The following PTPN14 variants were observed in gnomAD, a reference collection of about 807,000 sequenced individuals.
PTPN14 encodes the protein protein tyrosine phosphatase non-receptor type 14, also known as tyrosine-protein phosphatase non-receptor type 14.
A neutral mutation model predicts 126.8 loss-of-function variants in PTPN14; 53 were observed. The observed-to-expected ratio is 0.42, with a 90% CI of 0.34 to 0.53. The LOEUF is 0.53. PTPN14 is among the 20% of genes least tolerant of loss of function. PTPN14 has a pLI of 0.08. For synonymous variants in PTPN14, 630 were observed against 599.3 expected (o/e 1.05, Z -0.75); for missense variants, 1,257 against 1,552.9 (o/e 0.81, Z 3.20).
intron 1 of PTPN14, among the ~76,000 whole-genome samples, chr1:214,521,888 TTGTTG>T (rs1480666947): frequency 2.0e-5 from 3 of 149,476 alleles, no homozygotes; most frequent in Non-Finnish European, 4.4e-5. Flanking sequence ...CATAAGATTT[TTGTTG>T]TTTTTTTTTT....
intron 11 of PTPN14, among the ~76,000 whole-genome samples, chr1:214,389,039 TC>T (rs1247074334): frequency 1.3e-5 from 2 of 152,216 alleles, no homozygotes; most frequent in East Asian, 3.8e-4. Context: ...TTCCCAAGTC[TC>T]CCTTTGGCTG....
chr1:214,540,765 A>T (rs1655816157), intron 1 of PTPN14, among the ~76,000 whole-genome samples: 1 of 152,204 alleles, frequency 6.6e-6, no homozygotes, highest in Non-Finnish European at 1.5e-5. Context: ...CCACCACCAT[A>T]AAGCAAATGG....
intron 10 of PTPN14, 113 bp downstream of exon 10, chr1:214,393,582 T>C: frequency 1.1e-6 from 1 of 877,620 alleles, no homozygotes; most frequent in Non-Finnish European, 1.8e-6. Flanking sequence ...CATTAGCTTC[T>C]ACAAGGAACA....
At chr1:214,429,534 A>G (rs1262688559) in intron 3 of PTPN14, among the ~76,000 whole-genome samples, 1 of 152,252 alleles carries the variant, frequency 6.6e-6, no homozygotes, top group Admixed American at 6.5e-5. Context: ...CTTTCAGGAG[A>G]TCAAGGACTT....
At chr1:214,414,585 A>C in intron 4 of PTPN14, 44 bp downstream of exon 4, 3 of 1,544,650 alleles carry the variant, frequency 1.9e-6, no homozygotes, top group Non-Finnish European at 2.7e-6. Context: ...ACCATGATCA[A>C]ACAGAAAATG....
chr1:214,408,949 T>TAAAAC (rs1659233227), intron 5 of PTPN14, among the ~76,000 whole-genome samples: 1 of 152,176 alleles, frequency 6.6e-6, no homozygotes, highest in South Asian at 2.1e-4. Flanking sequence ...TCTTTTTTGT[T>TAAAAC]AAAACAAAAC....
Position 214,402,971 on chromosome 1 carries a change from G to A in PTPN14, c.511-18C>T, listed in dbSNP as rs1391155145. Reference sequence around the variant, plus strand: ...GCCAAATCCTATAAGAATAGAAAGTGCTTAAGGTCACATGAGGGTGTGGGC... The same window carrying A: ...GCCAAATCCTATAAGAATAGAAAGTACTTAAGGTCACATGAGGGTGTGGGC... On this transcript the variant is annotated intron_variant, in intron 5 of 18. Coordinates refer to ENST00000366956, the MANE Select transcript of PTPN14 (RefSeq NM_005401.5). 2 of 1,612,474 alleles carry A rather than the reference G, an allele frequency of 1.2e-6. No homozygotes were observed. Among genetic ancestry groups the A allele is most frequent in the Non-Finnish European group, 1.7e-6 (2 of 1,178,604 alleles).
chr1:214,396,816 C>G (rs1212242360), intron 8 of PTPN14, among the ~76,000 whole-genome samples: 1 of 152,178 alleles, frequency 6.6e-6, no homozygotes, highest in Non-Finnish European at 1.5e-5. Flanking sequence ...ATTGATTTAA[C>G]TATGAAGAAC....
Position 214,384,576 on chromosome 1 carries a change from G to A in PTPN14, c.1279C>T (p.Pro427Ser). The change falls in exon 13 of 19, where the codon CCG becomes TCG. Residue 427 changes from proline (P) to serine (S), a missense_variant. Around this residue, in one of 3 missense-constraint regions of PTPN14, gnomAD observed 1,021 missense variants for 1,183.3 expected, o/e 0.86. Coordinates refer to ENST00000366956, the MANE Select transcript of PTPN14 (RefSeq NM_005401.5). The surrounding 1 kb of genome is among the most constrained non-coding windows in gnomAD (Gnocchi z 5.3). ...GSDIMRADYI[P>S]SHRHSAIIVP... is the part of the protein sequence containing the mutation. ...ATGATCGCGCTGTGCCGGTGGCTCG[G>A]GATGTAGTCGGCCCGCATGATGTCA... 6.2e-7 allele frequency: 1 copy of A among 1,614,140 alleles called. No homozygotes were observed. The highest frequency in any genetic ancestry group is 8.5e-7 in the Non-Finnish European group (1 of 1,180,030).
chr1:214,431,642 T>C (rs1004795514), intron 3 of PTPN14, among the ~76,000 whole-genome samples: 1 of 152,088 alleles, frequency 6.6e-6, no homozygotes, highest in Non-Finnish European at 1.5e-5. Context: ...CGGCACATAG[T>C]GGTAAATGTG....
chr1:214,364,807 T>C lies in PTPN14; in HGVS notation c.3272-132A>G, dbSNP rs1234393828. The C allele has an allele frequency of 5.8e-6, 2 of 344,496 alleles. No individual in the cohort carries two copies. Among genetic ancestry groups the C allele is most frequent in the Non-Finnish European group, 8.5e-6 (2 of 235,078 alleles). The allele number at this position is 344,496 out of a possible 1,614,324, so 21.3% of individuals were successfully genotyped here. On this transcript the variant is annotated intron_variant, in intron 17 of 18. Coordinates refer to ENST00000366956, the MANE Select transcript of PTPN14 (RefSeq NM_005401.5). The surrounding 1 kb of genome is among the most constrained non-coding windows in gnomAD (Gnocchi z 4.1). The stretch of plus-strand genomic sequence containing the variant: ...TGTGTGTGTGTGTGTGTGTGTGTGT[T>C]TTAAGTGACAATAATTTATAGTTCT...
chr1:214,457,487 T>C (rs1246212142), intron 2 of PTPN14, among the ~76,000 whole-genome samples: 1 of 152,180 alleles, frequency 6.6e-6, no homozygotes, highest in African/African-American at 2.4e-5. Context: ...TCAGGTGCCT[T>C]TGTTATATCA....
chr1:214,452,440 T>C (rs1470372475), intron 2 of PTPN14, among the ~76,000 whole-genome samples: 3 of 152,234 alleles, frequency 2.0e-5, no homozygotes, highest in Non-Finnish European at 4.4e-5. Flanking sequence ...TTCTGCACTG[T>C]AGAATATTTT....
At chr1:214,540,846 G>A (rs1655817615) in intron 1 of PTPN14, among the ~76,000 whole-genome samples, 2 of 152,112 alleles carry the variant, frequency 1.3e-5, no homozygotes, top group African/African-American at 4.8e-5. Context: ...AAATCCATTA[G>A]ATTTACAAAC....
chr1:214,421,603 G>C (rs1030884667), intron 3 of PTPN14, among the ~76,000 whole-genome samples: 2 of 152,016 alleles, frequency 1.3e-5, no homozygotes, highest in Admixed American at 1.3e-4. Flanking sequence ...AAAAAAATCA[G>C]AACAAAACAC....
chr1:214,380,271 T>A (rs987750385), intron 13 of PTPN14, among the ~76,000 whole-genome samples: 1 of 152,224 alleles, frequency 6.6e-6, no homozygotes, highest in Non-Finnish European at 1.5e-5. Flanking sequence ...TCTTTCCACC[T>A]GCACTGTAAG....
intron 3 of PTPN14, among the ~76,000 whole-genome samples, chr1:214,428,502 T>C (rs1450345221): frequency 1.3e-5 from 2 of 152,252 alleles, no homozygotes; most frequent in Non-Finnish European, 2.9e-5. Context: ...ATCTTTGATA[T>C]AGTAATGGAT....
At chr1:214,410,968 G>C (rs1659295196) in intron 5 of PTPN14, among the ~76,000 whole-genome samples, 1 of 152,132 alleles carries the variant, frequency 6.6e-6, no homozygotes, top group African/African-American at 2.4e-5. Context: ...TTTTAGGATT[G>C]TTTTCTATTT....
intron 17 of PTPN14, among the ~76,000 whole-genome samples, chr1:214,369,118 G>C (rs968690822): frequency 6.6e-6 from 1 of 152,192 alleles, no homozygotes; most frequent in African/African-American, 2.4e-5. Context: ...TTTTGTGACT[G>C]GATTATTTCC....
Sources: allele counts gnomAD v4.1 joint callset (sites outside exome capture counted in the v4.1 genomes callset), GRCh38; gene constraint gnomAD v4.1.1; regional missense constraint gnomAD v4.1.1; non-coding constraint Gnocchi (gnomAD v3.1); transcripts MANE v1.5; gene names NCBI Gene and HGNC (gene_info 2026-07-23, HGNC 2026-07-21).